FIRRM: variants seen among roughly 807,000 people sequenced by gnomAD.
The protein encoded by FIRRM is FIGNL1-interacting regulator of recombination and mitosis.
the FIRRM span, chr1:169,795,098 A>T: frequency 6.5e-7 from 1 of 1,535,114 alleles, no homozygotes; most frequent in Non-Finnish European, 8.7e-7. Context: ...CTGTTTGACG[A>T]AAGTATGTCT....
chr1:169,795,039 G>C, the FIRRM span: 9 of 1,295,702 alleles, frequency 6.9e-6, no homozygotes, highest in Non-Finnish European at 9.7e-6. Flanking sequence ...GGGTTGGCGG[G>C]ACTGCGAGTT....
At chr1:169,830,868 A>G in the FIRRM span, 1 of 931,604 alleles carries the variant, frequency 1.1e-6, no homozygotes, top group Non-Finnish European at 1.7e-6. Context: ...TTGTTTTGAC[A>G]GTCTTTGTCT....
the FIRRM span, chr1:169,798,901 C>A: frequency 7.7e-7 from 1 of 1,296,086 alleles, no homozygotes; most frequent in South Asian, 1.4e-5. Flanking sequence ...ATACTAGTAT[C>A]TTCCTTAATT....
the FIRRM span, among the ~76,000 whole-genome samples, chr1:169,837,291 T>C: frequency 2.0e-5 from 3 of 152,224 alleles, no homozygotes; most frequent in African/African-American, 7.2e-5. Context: ...AACTTAACTG[T>C]TATTTTAATT....
At chr1:169,806,426 A>T in the FIRRM span, among the ~76,000 whole-genome samples, 2 of 152,254 alleles carry the variant, frequency 1.3e-5, no homozygotes, top group African/African-American at 4.8e-5. Flanking sequence ...AGATAAATTG[A>T]TAACTATAAT....
chr1:169,822,691 G>T, the FIRRM span, among the ~76,000 whole-genome samples: 1 of 151,794 alleles, frequency 6.6e-6, no homozygotes, highest in Non-Finnish European at 1.5e-5. Flanking sequence ...GTAGAGATGG[G>T]GTTTCACCAT....
At chr1:169,813,429 C>A in the FIRRM span, among the ~76,000 whole-genome samples, 1 of 152,296 alleles carries the variant, frequency 6.6e-6, no homozygotes, top group South Asian at 2.1e-4. Flanking sequence ...AATACGTAAT[C>A]AGAAAACTCA....
At chr1:169,797,147 A>G in the FIRRM span, among the ~76,000 whole-genome samples, 2 of 152,250 alleles carry the variant, frequency 1.3e-5, no homozygotes, top group Non-Finnish European at 2.9e-5. Flanking sequence ...CATAGTAAGC[A>G]TTCATTAAAG....
chr1:169,791,116 C>T, the FIRRM span, among the ~76,000 whole-genome samples: 7 of 152,268 alleles, frequency 4.6e-5, no homozygotes, highest in South Asian at 6.2e-4. Context: ...ATTTGCCTAC[C>T]GCTCACCTCC....
the FIRRM span, among the ~76,000 whole-genome samples, chr1:169,812,947 G>A: frequency 3.9e-5 from 6 of 151,944 alleles, no homozygotes; most frequent in African/African-American, 1.5e-4. Context: ...TTTTTAATAA[G>A]GGTCAAAATG....
At chr1:169,832,424 C>T in the FIRRM span, 2 of 1,611,452 alleles carry the variant, frequency 1.2e-6, no homozygotes, top group Non-Finnish European at 1.7e-6. Flanking sequence ...CAGATAAAGT[C>T]ATGCCCTGGA....
At chr1:169,853,598 G>T in the FIRRM span, 1 of 1,064,508 alleles carries the variant, frequency 9.4e-7, no homozygotes, top group South Asian at 1.4e-5. Flanking sequence ...TGAGCTCCTG[G>T]GATGGGAAAA....
the FIRRM span, among the ~76,000 whole-genome samples, chr1:169,792,005 G>A: frequency 2.0e-4 from 30 of 152,224 alleles, no homozygotes; most frequent in African/African-American, 7.2e-4. Context: ...GCTATAAGGG[G>A]TAAACCTCAA....
chr1:169,836,009 A>T, the FIRRM span, among the ~76,000 whole-genome samples: 2 of 151,984 alleles, frequency 1.3e-5, no homozygotes, highest in East Asian at 3.8e-4. Context: ...TAAAATTGAA[A>T]TACAAATATA....
the FIRRM span, chr1:169,843,646 T>C: frequency 2.2e-5 from 31 of 1,436,062 alleles, no homozygotes. Flanking sequence ...TTGAAAATTT[T>C]TCTTCAAAAT....
the FIRRM span, among the ~76,000 whole-genome samples, chr1:169,846,796 G>A: frequency 2.6e-5 from 4 of 152,098 alleles, no homozygotes; most frequent in South Asian, 2.1e-4. Context: ...AAGACTTTCC[G>A]TGTTCATTGG....
the FIRRM span, among the ~76,000 whole-genome samples, chr1:169,810,140 G>T: frequency 6.6e-6 from 1 of 152,222 alleles, no homozygotes; most frequent in Admixed American, 6.5e-5. Flanking sequence ...CATGAGGGCA[G>T]AGCCCTCATG....
the FIRRM span, among the ~76,000 whole-genome samples, chr1:169,797,695 C>T: frequency 2.0e-5 from 3 of 152,166 alleles, no homozygotes; most frequent in East Asian, 1.9e-4. Flanking sequence ...CAGGCACGTG[C>T]CACCATGCCC....
chr1:169,806,236 A>G, the FIRRM span: 61 of 587,568 alleles, frequency 1.0e-4, no homozygotes, highest in Non-Finnish European at 8.7e-6. Context: ...CAGATATTCT[A>G]CATGTAGCTC....
Sources: gnomAD v4.1 joint callset for allele counts (sites outside exome capture counted in the v4.1 genomes callset) on GRCh38, gnomAD v4.1.1 for gene constraint, MANE v1.5 for transcripts, NCBI Gene and HGNC (gene_info 2026-07-23, HGNC 2026-07-21) for gene names.